Variants in ABLIM1 observed in about 807,000 individuals in gnomAD.
ABLIM1 encodes actin binding LIM protein 1, also known as actin-binding LIM protein 1.
Under a neutral mutation model 107.0 loss-of-function variants are expected in ABLIM1, and 40 were observed. That is an observed-to-expected ratio of 0.37 (90% CI 0.29 to 0.49). The LOEUF is 0.49. Ranked by LOEUF, ABLIM1 falls within the 20% of genes least tolerant of loss-of-function variation. The pLI, the probability that ABLIM1 is intolerant of heterozygous loss-of-function variation, is 0.97. For synonymous variants in ABLIM1, 357 were observed against 357.3 expected (o/e 1.00, Z 0.01); for missense variants, 857 against 1,008.5 (o/e 0.85, Z 2.04).
chr10:114,500,697 A>G (rs1453476248), intron 6 of ABLIM1, among the ~76,000 whole-genome samples: 48 of 136,116 alleles, frequency 3.5e-4, no homozygotes, highest in Non-Finnish European at 7.0e-4. Context: ...AAAAAAAAAA[A>G]AAAAGAAAGA....
At chr10:114,662,016 TTATTCTA>T (rs1488023831), upstream of ABLIM1, among the ~76,000 whole-genome samples, 1 of 152,200 alleles carries the variant, frequency 6.6e-6, no homozygotes, top group African/African-American at 2.4e-5. Flanking sequence ...AACATGGACT[TTATTCTA>T]TATAGTGATT....
intron 6 of ABLIM1, among the ~76,000 whole-genome samples, chr10:114,508,367 T>C (rs970781418): frequency 6.6e-6 from 1 of 152,190 alleles, no homozygotes; most frequent in Non-Finnish European, 1.5e-5. Flanking sequence ...ACCTTTAAGA[T>C]ACATTCTAGC....
intron 1 of ABLIM1, chr10:114,768,024 G>T: frequency 2.3e-6 from 1 of 428,156 alleles, no homozygotes; most frequent in Non-Finnish European, 4.6e-6. Flanking sequence ...TCGGCCCGCC[G>T]GGGTCAGTGG....
chr10:114,684,758 T>C, exon 1 of ABLIM1: 1 of 988,550 alleles, frequency 1.0e-6, no homozygotes, highest in Non-Finnish European at 1.2e-6. Flanking sequence ...GAATCCAGAT[T>C]TTGATCACTA....
At chr10:114,455,110 G>A (rs1233967794) in intron 12 of ABLIM1, among the ~76,000 whole-genome samples, 1 of 152,122 alleles carries the variant, frequency 6.6e-6, no homozygotes, top group Non-Finnish European at 1.5e-5. Flanking sequence ...GTTACCGTTT[G>A]AATATACATT....
At position 114,571,445 on chromosome 10, in the gene ABLIM1, C is replaced by A. The variant is rs781156519; in HGVS notation, c.564-39G>T. On this transcript the variant is annotated intron_variant, in intron 3 of 22. Transcript: ENST00000533213. ...GACATCGCCCTCAAGGTTATTGCAG[C>A]AATTTCATTCCTTTTCCTTATTCCT... 6.8e-5 allele frequency: 108 copies of A among 1,580,462 alleles called. No homozygotes were observed. The South Asian group carries it at 1.1e-3, about 17-fold the overall frequency.
chr10:114,527,728 G>A (rs112380065), intron 6 of ABLIM1, among the ~76,000 whole-genome samples: 1,884 of 148,936 alleles, frequency 0.013, 39 homozygotes, highest in African/African-American at 0.044. Flanking sequence ...CGATCATAGC[G>A]CAATCAGCTC....
chr10:114,709,210 A>G (rs981832843), intron 1 of ABLIM1, among the ~76,000 whole-genome samples: 1 of 152,232 alleles, frequency 6.6e-6, no homozygotes, highest in Non-Finnish European at 1.5e-5. Flanking sequence ...CCATGCCGTG[A>G]TAGGAATGTG....
chr10:114,531,611 T>C (rs902798974), intron 6 of ABLIM1, among the ~76,000 whole-genome samples: 7 of 151,844 alleles, frequency 4.6e-5, no homozygotes, highest in African/African-American at 7.3e-5. Context: ...TCCAACTCCC[T>C]GGTTCAAGTG....
chr10:114,762,325 G>A (rs1385901755), intron 1 of ABLIM1, among the ~76,000 whole-genome samples: 1 of 152,106 alleles, frequency 6.6e-6, no homozygotes, highest in East Asian at 1.9e-4. Flanking sequence ...GAGCCACTGT[G>A]CCCGGCCAGG....
At chr10:114,798,109 T>C in the ABLIM1 span, among the ~76,000 whole-genome samples, 1 of 152,246 alleles carries the variant, frequency 6.6e-6, no homozygotes, top group East Asian at 1.9e-4. Context: ...TAATTTGCCT[T>C]ATATATTTTT....
chr10:114,496,765 T>C (rs2059719873), intron 6 of ABLIM1, among the ~76,000 whole-genome samples: 1 of 152,248 alleles, frequency 6.6e-6, no homozygotes, highest in African/African-American at 2.4e-5. Flanking sequence ...CCCAAGATGC[T>C]GAACATGTCA....
chr10:114,658,297 CTCCTT>C, upstream of ABLIM1: 2 of 1,509,060 alleles, frequency 1.3e-6, no homozygotes, highest in South Asian at 1.4e-5. Context: ...TCCTTACTGT[CTCCTT>C]TTCTCACTGC....
intron 1 of ABLIM1, among the ~76,000 whole-genome samples, chr10:114,711,341 G>A (rs1455673503): frequency 6.6e-6 from 1 of 152,144 alleles, no homozygotes; most frequent in African/African-American, 2.4e-5. Context: ...TACTGGGTAT[G>A]TCTCAGAGCC....
intron 1 of ABLIM1, among the ~76,000 whole-genome samples, chr10:114,624,689 GT>G (rs1555208682): frequency 6.6e-6 from 1 of 151,768 alleles, no homozygotes; most frequent in Non-Finnish European, 1.5e-5. Flanking sequence ...TATTTATATC[GT>G]AGAAATGACA....
intron 6 of ABLIM1, among the ~76,000 whole-genome samples, chr10:114,498,507 C>G (rs1030578157): frequency 7.9e-5 from 12 of 152,218 alleles, no homozygotes; most frequent in Non-Finnish European, 1.6e-4. Context: ...ATCTGATAAC[C>G]TGCTTAGCTC....
intron 3 of ABLIM1, among the ~76,000 whole-genome samples, chr10:114,572,849 C>G: frequency 6.6e-6 from 1 of 152,162 alleles, no homozygotes; most frequent in Non-Finnish European, 1.5e-5. Context: ...AGGAGTGGAC[C>G]CAGACACAGC....
chr10:114,769,465 AAGAAAGAAAGAAAG>A (rs1314085086), upstream of ABLIM1, among the ~76,000 whole-genome samples: 130 of 133,314 alleles, frequency 9.8e-4, 1 homozygote, highest in African/African-American at 3.2e-3. Flanking sequence ...GAAAGAAAGA[AAGAAAGAAAGAAAG>A]AGAAAGAAAG....
At chr10:114,580,366 C>T (rs933246660) in intron 2 of ABLIM1, among the ~76,000 whole-genome samples, 4 of 151,992 alleles carry the variant, frequency 2.6e-5, no homozygotes, top group African/African-American at 9.7e-5. Flanking sequence ...TGCCACCAGG[C>T]CCAGCTAATT....
Sources: allele counts gnomAD v4.1 joint callset (sites outside exome capture counted in the v4.1 genomes callset), GRCh38; gene constraint gnomAD v4.1.1; transcripts MANE v1.5; gene names NCBI Gene and HGNC (gene_info 2026-07-23, HGNC 2026-07-21).